SLC7A5: variants seen among roughly 807,000 people sequenced by gnomAD.
SLC7A5 encodes solute carrier family 7 member 5.
A neutral mutation model predicts 50.2 loss-of-function variants in SLC7A5; 23 were observed. The ratio of observed to expected loss-of-function variants is 0.46; its 90% CI spans 0.33 to 0.65. The LOEUF (loss-of-function observed/expected upper bound fraction) is 0.65, where lower values mean the gene tolerates loss of function less well. Ranked by LOEUF, SLC7A5 falls within the 30% of genes least tolerant of loss-of-function variation. The pLI is 0.02. For synonymous variants in SLC7A5, 393 were observed against 330.6 expected (o/e 1.19, Z -2.05); for missense variants, 578 against 684.4 (o/e 0.84, Z 1.73).
At chr16:87,851,220 C>G (rs2055218426) in intron 2 of SLC7A5, among the ~76,000 whole-genome samples, 1 of 151,710 alleles carries the variant, frequency 6.6e-6, no homozygotes, top group South Asian at 2.1e-4. Context: ...CTTTAAAAAG[C>G]AGACAGAAAC....
At position 87,841,257 on chromosome 16, in the gene SLC7A5, A is replaced by T; in HGVS notation, c.665-102T>A. The stretch of plus-strand genomic sequence containing the variant: ...TGGAGCAAAATACATAGCAAACAAA[A>T]ATGCTGGAGTGAAGGCTTTTCACTG... On this transcript the variant is annotated intron_variant, in intron 2 of 9. Coordinates refer to ENST00000261622, the MANE Select transcript of SLC7A5 (RefSeq NM_003486.7). The surrounding 1 kb of genome is among the most constrained non-coding windows in gnomAD (Gnocchi z 4.8). The T allele has an allele frequency of 2.6e-6, 2 of 781,732 alleles. No homozygotes were observed. The highest frequency in any genetic ancestry group is 2.8e-5 in the South Asian group (2 of 71,024). The allele number at this position is 781,732 out of a possible 1,614,324, so 48.4% of individuals were successfully genotyped here. A position where few individuals can be genotyped will look rare whatever the true frequency, so the allele number is the denominator to read the frequency against.
intron 5 of SLC7A5, among the ~76,000 whole-genome samples, 187 bp downstream of exon 5, chr16:87,839,515 C>T (rs908565220): frequency 6.6e-6 from 1 of 152,242 alleles, no homozygotes; most frequent in Non-Finnish European, 1.5e-5. Flanking sequence ...GATCCCCAGA[C>T]ACTTCCTCTG....
chr16:87,835,127 G>T (rs919089946), intron 8 of SLC7A5, among the ~76,000 whole-genome samples: 3 of 152,268 alleles, frequency 2.0e-5, no homozygotes, highest in East Asian at 1.9e-4. Context: ...CCTGCGGCTC[G>T]GCATGGCTGG....
Position 87,869,339 on chromosome 16 carries a change from G to T in SLC7A5, c.84C>A (p.Ala28=), listed in dbSNP as rs750774364. 2.5e-6 allele frequency: 4 copies of T among 1,609,656 alleles called. No individual in the cohort carries two copies. Among genetic ancestry groups the T allele is most frequent in the Middle Eastern group, 2.2e-4 (1 of 4,600 alleles). The change falls in exon 1 of 10, where the codon GCC becomes GCA. Residue 28 remains alanine, a synonymous_variant. Coordinates refer to ENST00000261622, the MANE Select transcript of SLC7A5 (RefSeq NM_003486.7). ...GCGCCGAGCCGTCCGCGCTCTTGGC[G>T]GCCAGCATCTTCTCCCGCGCCTCTT... The part of the protein sequence containing the change: ...EKEEAREKML[A]AKSADGSAPA...
Position 87,839,715 on chromosome 16 carries a change from T to A in SLC7A5, c.926A>T (p.Glu309Val). The A allele has an allele frequency of 6.2e-7, 1 of 1,613,456 alleles. No individual in the cohort carries two copies. The highest frequency in any genetic ancestry group is 1.1e-5 in the South Asian group (1 of 91,076). ...GTAGCGGCTCACCACGGCCACGGCC[T>A]CGGACGACAGCATCTGCTCGGTGGA... ...TLSTEQMLSS[E>V]AVAVDFGNYH... The change falls in exon 5 of 10, where the codon GAG becomes GTG. Residue 309 changes from glutamate (E) to valine (V), a missense_variant. Physicochemically the swap from Glu to Val is moderately radical, Grantham distance 121. Transcript: ENST00000261622.
chr16:87,850,455 T>C (rs529335704), intron 2 of SLC7A5, among the ~76,000 whole-genome samples: 5 of 152,336 alleles, frequency 3.3e-5, no homozygotes, highest in African/African-American at 1.2e-4. Context: ...TACAGCCATG[T>C]GGGACCAGGC....
chr16:87,846,651 C>T (rs1451572713), intron 2 of SLC7A5, among the ~76,000 whole-genome samples: 1 of 152,198 alleles, frequency 6.6e-6, no homozygotes, highest in Non-Finnish European at 1.5e-5. Flanking sequence ...GGAGGCCGAG[C>T]ACCCCGCCCA....
At chr16:87,837,107 C>A (rs1475767470) in intron 7 of SLC7A5, among the ~76,000 whole-genome samples, 1 of 152,254 alleles carries the variant, frequency 6.6e-6, no homozygotes, top group Non-Finnish European at 1.5e-5. Flanking sequence ...ACTTGCTGCC[C>A]TTCCTGACTG....
Position 87,836,545 on chromosome 16 carries a change from T to C in SLC7A5, c.1243A>G (p.Met415Val), listed in dbSNP as rs771476422. Reference sequence around the variant, plus strand: ...GGCTTTCTGTGGCGCAGCCAGATCATGCCGATGATGGCCAGGGCCACGCAG... The same window carrying C: ...GGCTTTCTGTGGCGCAGCCAGATCACGCCGATGATGGCCAGGGCCACGCAG... ...WLCVALAIIG[M>V]IWLRHRKPEL... Residue 415 changes from methionine to valine, a missense_variant, in exon 8 of 10, where the codon ATG becomes GTG. Physicochemically the swap from Met to Val is conservative, Grantham distance 21. Transcript: ENST00000261622. The C allele has an allele frequency of 6.2e-7, 1 of 1,613,472 alleles. No individual in the cohort carries two copies. Among genetic ancestry groups the C allele is most frequent in the Non-Finnish European group, 8.5e-7 (1 of 1,180,016 alleles).
rs1372865734 is a variant in SLC7A5, at chr16:87,832,916, T to C, written c.*54A>G. 5.5e-6 allele frequency: 8 copies of C among 1,452,418 alleles called. No individual in the cohort carries two copies. Among genetic ancestry groups the C allele is most frequent in the Admixed American group, 1.7e-5 (1 of 59,726 alleles). The allele number at this position is 1,452,418 out of a possible 1,614,324, so 90.0% of individuals were successfully genotyped here. A position where few individuals can be genotyped will look rare whatever the true frequency, so the allele number is the denominator to read the frequency against. On this transcript the variant is annotated 3_prime_UTR_variant, in exon 10 of 10. Transcript: ENST00000261622. The surrounding 1 kb of genome is among the most constrained non-coding windows in gnomAD (Gnocchi z 4.6). ...AACCGGAGTGGGTTCGAGGAGGTGA[T>C]CTACTTTAACTGGCCTCTGCGCATG...
chr16:87,865,972 G>C (rs538514811), intron 1 of SLC7A5, among the ~76,000 whole-genome samples: 1 of 152,148 alleles, frequency 6.6e-6, no homozygotes, highest in Admixed American at 6.5e-5. Flanking sequence ...AGTGAGCAAC[G>C]AGCCTGGGCA....
intron 2 of SLC7A5, among the ~76,000 whole-genome samples, chr16:87,848,101 GC>G (rs1261719891): frequency 6.6e-6 from 1 of 150,676 alleles, no homozygotes; most frequent in Admixed American, 6.6e-5. Context: ...GCAGGCTGCG[GC>G]TTTCTTTCCT....
At chr16:87,857,811 T>C (rs1005465948) in intron 1 of SLC7A5, among the ~76,000 whole-genome samples, 4 of 152,252 alleles carry the variant, frequency 2.6e-5, no homozygotes, top group Non-Finnish European at 4.4e-5. Flanking sequence ...CACATGTCTT[T>C]GTACTTTTTT....
chr16:87,863,010 G>A (rs535368811), intron 1 of SLC7A5, among the ~76,000 whole-genome samples: 14 of 152,336 alleles, frequency 9.2e-5, no homozygotes, highest in East Asian at 3.9e-4. Flanking sequence ...CTGCCCCTGC[G>A]TGACGGCACG....
At chr16:87,850,088 T>A (rs1567495330) in intron 2 of SLC7A5, among the ~76,000 whole-genome samples, 1 of 152,218 alleles carries the variant, frequency 6.6e-6, no homozygotes, top group Non-Finnish European at 1.5e-5. Context: ...CTGCTTGGTG[T>A]GGAGACCCCT....
chr16:87,846,905 G>A (rs2055161327), intron 2 of SLC7A5, among the ~76,000 whole-genome samples: 1 of 152,230 alleles, frequency 6.6e-6, no homozygotes, highest in South Asian at 2.1e-4. Flanking sequence ...CTCCCTGCAA[G>A]GGAGGACAGC....
rs1187475638 is a variant in SLC7A5, at chr16:87,832,043, C to G, written c.*927G>C. On this transcript the variant is annotated 3_prime_UTR_variant, in exon 10 of 10. Coordinates refer to ENST00000261622, the MANE Select transcript of SLC7A5 (RefSeq NM_003486.7). This position sits in a 1 kb window ranked among gnomAD's most constrained non-coding sequence, Gnocchi z 4.6. ...CCAATGCATTGGAGGCTGAGGGTAG[C>G]TGCGACCTCTGGGGCAGGGGACACT... 1 of 152,372 alleles carries G rather than the reference C, an allele frequency of 6.6e-6. No homozygotes were observed. Among genetic ancestry groups the G allele is most frequent in the Admixed American group, 6.5e-5 (1 of 15,294 alleles). 9.4% of individuals were successfully genotyped at this position (152,372 alleles called of 1,614,324 possible).
chr16:87,863,525 C>G (rs2055423840), intron 1 of SLC7A5: 1 of 152,178 alleles, frequency 6.6e-6, no homozygotes, highest in Non-Finnish European at 1.5e-5. Flanking sequence ...ACCACACAAC[C>G]CTACTGTCAT....
intron 2 of SLC7A5, among the ~76,000 whole-genome samples, chr16:87,845,108 G>A (rs1479844346): frequency 3.9e-5 from 6 of 152,186 alleles, no homozygotes; most frequent in Non-Finnish European, 8.8e-5. Flanking sequence ...GACCAGGACC[G>A]TCTGCATGTC....
Sources: allele counts gnomAD v4.1 joint callset (sites outside exome capture counted in the v4.1 genomes callset), GRCh38; gene constraint gnomAD v4.1.1; non-coding constraint Gnocchi (gnomAD v3.1); transcripts MANE v1.5; gene names NCBI Gene and HGNC (gene_info 2026-07-23, HGNC 2026-07-21).